NIPBL: variants seen among roughly 807,000 people sequenced by gnomAD.
The protein encoded by NIPBL is nipped-B-like protein.
Under a neutral mutation model 321.8 loss-of-function variants are expected in NIPBL, and 19 were observed. That is an observed-to-expected ratio of 0.06 (90% confidence interval 0.04 to 0.09). The LOEUF is 0.09. NIPBL is among the 10% of genes least tolerant of loss of function. The pLI, the probability that NIPBL is intolerant of heterozygous loss-of-function variation, is 1.00. For synonymous variants in NIPBL, 1,106 were observed against 1,114.1 expected, an observed-to-expected ratio of 0.99 and a Z score of 0.14; for missense variants, 2,210 against 3,327.0, an observed-to-expected ratio of 0.66 and a Z score of 8.26.
rs779189164 is a variant in NIPBL at position 37,020,606 on chromosome 5, G to A, written c.5158G>A (p.Ala1720Thr). The stretch of plus-strand genomic sequence containing the variant: ...GACAACTGGCCAAATTATGCATCGA[G>A]CTGAAAACCGAAAAAAGTTTCTTAG... Reference protein sequence around the residue: ...IETTGQIMHRAENRKKFLRSI... With the variant: ...IETTGQIMHRTENRKKFLRSI... Residue 1720 changes from alanine to threonine, a missense_variant, in exon 26 of 47, where the codon GCT becomes ACT. Ala to Thr is a moderately conservative substitution (Grantham distance 58, BLOSUM62 0). Transcript: ENST00000282516. 1 of 1,614,102 alleles carries A rather than the reference G, an allele frequency of 6.2e-7. No individual in the cohort carries two copies. Among genetic ancestry groups the A allele is most frequent in the Non-Finnish European group, 8.5e-7 (1 of 1,180,020 alleles).
chr5:36,972,480 C>A (rs564450895), intron 8 of NIPBL, among the ~76,000 whole-genome samples: 1 of 152,108 alleles, frequency 6.6e-6, no homozygotes, highest in Non-Finnish European at 1.5e-5. Flanking sequence ...CTCAAGATTT[C>A]TATTATTAGA....
chr5:36,938,917 TTA>T (rs1738761409), intron 1 of NIPBL, among the ~76,000 whole-genome samples: 1 of 152,168 alleles, frequency 6.6e-6, no homozygotes, highest in Admixed American at 6.5e-5. Context: ...GTACATATAG[TTA>T]TGTGTAACAG....
At chr5:36,977,526 A>G (rs1156441792) in intron 9 of NIPBL, among the ~76,000 whole-genome samples, 3 of 151,900 alleles carry the variant, frequency 2.0e-5, no homozygotes, top group Non-Finnish European at 4.4e-5. Flanking sequence ...TATGTAAATC[A>G]GAAATAGATG....
chr5:36,943,468 A>T (rs1247401973), intron 1 of NIPBL, among the ~76,000 whole-genome samples: 1 of 152,172 alleles, frequency 6.6e-6, no homozygotes, highest in African/African-American at 2.4e-5. Flanking sequence ...ATTGTTACAT[A>T]GATTGAATGC....
intron 37 of NIPBL, among the ~76,000 whole-genome samples, 172 bp downstream of exon 37, chr5:37,045,769 C>G (rs1182612772): frequency 6.6e-6 from 1 of 152,322 alleles, no homozygotes; most frequent in East Asian, 1.9e-4. Flanking sequence ...GCTAATCCAT[C>G]AACTTTTTGT....
At chr5:37,007,519 AT>A in intron 18 of NIPBL, 45 bp downstream of exon 18, 1 of 1,411,654 alleles carries the variant, frequency 7.1e-7, no homozygotes. Context: ...AAACTAAATG[AT>A]TAAGTCTAGT....
chr5:36,933,251 G>A (rs1238357983), intron 1 of NIPBL, among the ~76,000 whole-genome samples: 1 of 151,826 alleles, frequency 6.6e-6, no homozygotes, highest in African/African-American at 2.4e-5. Context: ...ATTCTGTTAC[G>A]AGTTTCATGG....
intron 1 of NIPBL, among the ~76,000 whole-genome samples, chr5:36,920,751 G>C (rs891426339): frequency 6.6e-6 from 1 of 151,884 alleles, no homozygotes; most frequent in African/African-American, 2.4e-5. Context: ...TCAGTAGCTT[G>C]ACCACCTTAT....
rs188567410 is a variant in NIPBL, at chr5:37,004,241, G to A, written c.3855+894G>A. 5.0e-3 allele frequency among the ~76,000 whole-genome samples: 763 copies of A among 152,234 alleles called. 4 individuals carry two copies. The highest frequency in any genetic ancestry group is 0.014 in the African/African-American group (602 of 41,534). ...GCTTGCAATGGTTTATTAATTGAGTGAAGCAAATTTCCTGGGATTTGCCTT... is the reference window on the plus strand; with the variant it reads ...GCTTGCAATGGTTTATTAATTGAGTAAAGCAAATTTCCTGGGATTTGCCTT... On this transcript the variant is annotated intron_variant, in intron 16 of 46. Transcript: ENST00000282516.
chr5:37,031,142 C>T (rs556876831), intron 32 of NIPBL, among the ~76,000 whole-genome samples: 151 of 152,096 alleles, frequency 9.9e-4, no homozygotes, highest in African/African-American at 3.5e-3. Context: ...CACCACCACG[C>T]CTGGCTAATT....
At chr5:36,968,095 C>CAAAAAAA (rs1194609840) in intron 6 of NIPBL, among the ~76,000 whole-genome samples, 372 of 51,198 alleles carry the variant, frequency 7.3e-3, no homozygotes, top group Non-Finnish European at 9.1e-3. Flanking sequence ...GACTCTGTCT[C>CAAAAAAA]AAAAAAAAAA....
intron 20 of NIPBL, 113 bp from the exon 21 acceptor site, chr5:37,009,974 A>G: frequency 1.2e-6 from 1 of 832,908 alleles, no homozygotes; most frequent in Non-Finnish European, 2.0e-6. Flanking sequence ...ATAAGCACTA[A>G]GATCATGCCT....
Position 36,961,575 on chromosome 5 carries a change from C to A in NIPBL, c.450C>A (p.Ser150Arg). The A allele has an allele frequency of 6.4e-7, 1 of 1,567,034 alleles. No individual in the cohort carries two copies. The highest frequency in any genetic ancestry group is 8.8e-7 in the Non-Finnish European group (1 of 1,137,214). Reference protein sequence around the residue: ...SNYQQTTISHSPSSRFVPPQT... With the variant: ...SNYQQTTISHRPSSRFVPPQT... ...ATCAACAAACCACTATCTCACATAG[C>A]CCCTCCAGGTAATATATGTATATAT... is the stretch of plus-strand genomic sequence containing the variant. The change falls in exon 5 of 47, where the codon AGC becomes AGA. Residue 150 changes from serine to arginine, a missense_variant. Physicochemically the swap from Ser to Arg is moderately radical, Grantham distance 110. Around this residue, in one of 14 missense-constraint regions of NIPBL, gnomAD observed 464 missense variants for 529.5 expected, o/e 0.88. Coordinates refer to ENST00000282516, the MANE Select transcript of NIPBL (RefSeq NM_133433.4).
intron 1 of NIPBL, among the ~76,000 whole-genome samples, chr5:36,895,877 A>T (rs893034774): frequency 1.3e-5 from 2 of 152,140 alleles, no homozygotes; most frequent in Non-Finnish European, 2.9e-5. Context: ...CAGATACGTG[A>T]TTTGCAATAT....
chr5:36,931,715 A>G (rs1200402796), intron 1 of NIPBL, among the ~76,000 whole-genome samples: 3 of 149,082 alleles, frequency 2.0e-5, no homozygotes, highest in African/African-American at 7.4e-5. Context: ...TGATCATTCT[A>G]TTTAAGACAT....
intron 6 of NIPBL, among the ~76,000 whole-genome samples, chr5:36,962,588 G>C (rs1022710527): frequency 1.3e-5 from 2 of 152,134 alleles, no homozygotes; most frequent in African/African-American, 4.8e-5. Context: ...TCTTACATTA[G>C]CACTAAGCCA....
intron 1 of NIPBL, among the ~76,000 whole-genome samples, chr5:36,901,925 T>C (rs1747260975): frequency 6.6e-6 from 1 of 152,182 alleles, no homozygotes; most frequent in African/African-American, 2.4e-5. Flanking sequence ...ATCTGTTATT[T>C]TTTGACTTTT....
chr5:36,900,575 G>C (rs562527739), intron 1 of NIPBL, among the ~76,000 whole-genome samples: 1 of 152,238 alleles, frequency 6.6e-6, no homozygotes, highest in Non-Finnish European at 1.5e-5. Context: ...AGTTTAGTTA[G>C]ACTCCTGACC....
intron 1 of NIPBL, among the ~76,000 whole-genome samples, chr5:36,887,803 C>T (rs181064155): frequency 3.3e-5 from 5 of 152,274 alleles, no homozygotes; most frequent in South Asian, 2.1e-4. Flanking sequence ...TCAGGTACCT[C>T]CTGATGTCCC....
Sources: gnomAD v4.1 joint callset for allele counts (sites outside exome capture counted in the v4.1 genomes callset) on GRCh38, gnomAD v4.1.1 for gene constraint, gnomAD v4.1.1 regional missense constraint, MANE v1.5 for transcripts, NCBI Gene and HGNC (gene_info 2026-07-23, HGNC 2026-07-21) for gene names.